ATL3: variants seen among roughly 807,000 people sequenced by gnomAD.
The protein encoded by ATL3 is atlastin-3.
In ATL3, 49 loss-of-function variants were observed where a neutral mutation model predicts 69.5. That is an observed-to-expected ratio of 0.71 (90% confidence interval 0.56 to 0.89). ATL3 has a LOEUF of 0.89. ATL3 is among the 40% of genes least tolerant of loss of function. The pLI is 0.00. For synonymous variants in ATL3, 214 were observed against 224.1 expected (o/e 0.95, Z 0.40); for missense variants, 606 against 645.7 (o/e 0.94, Z 0.67).
At chr11:63,630,800 CAAAA>C (rs58752695) in intron 12 of ATL3, among the ~76,000 whole-genome samples, 4 of 109,916 alleles carry the variant, frequency 3.6e-5, no homozygotes, top group Admixed American at 9.3e-5. Flanking sequence ...GACTTTGTCT[CAAAA>C]AAAAAAAAAA....
Position 63,625,131 on chromosome 11 carries a change from A to G in ATL3, c.*4188T>C, listed in dbSNP as rs1939062777. On this transcript the variant is annotated 3_prime_UTR_variant, in exon 13 of 13. Coordinates refer to ENST00000398868, the MANE Select transcript of ATL3 (RefSeq NM_015459.5). ...AACAGGACTTACAGCAAGAAAAACC[A>G]TTTGACTGCAAATATTATTTTACAA... 2.6e-5 allele frequency: 4 copies of G among 152,212 alleles called. No homozygotes were observed. Among genetic ancestry groups the G allele is most frequent in the Admixed American group, 2.6e-4 (4 of 15,278 alleles). The allele number at this position is 152,212 out of a possible 1,614,324, so 9.4% of individuals were successfully genotyped here. A position where few individuals can be genotyped will look rare whatever the true frequency, so the allele number is the denominator to read the frequency against.
intron 10 of ATL3, 33 bp downstream of exon 10, chr11:63,635,501 G>C (rs1378791968): frequency 1.3e-6 from 2 of 1,575,378 alleles, no homozygotes; most frequent in Non-Finnish European, 1.7e-6. Context: ...AGTAATTTAA[G>C]GGTAGCGTTT....
rs1939066424 is a variant in ATL3 at position 63,625,221 on chromosome 11, C to T, written c.*4098G>A. 1 of 152,096 alleles carries T rather than the reference C, an allele frequency of 6.6e-6. No individual in the cohort carries two copies. The highest frequency in any genetic ancestry group is 2.1e-4 in the South Asian group (1 of 4,824). 9.4% of individuals were successfully genotyped at this position (152,096 alleles called of 1,614,324 possible). ...ATAGTTTGTACTTTCATAACTGAAG[C>T]TTGTCTTCATTATGCCCTTATCCCT... On this transcript the variant is annotated 3_prime_UTR_variant, in exon 13 of 13. Coordinates refer to ENST00000398868, the MANE Select transcript of ATL3 (RefSeq NM_015459.5).
upstream of ATL3, chr11:63,671,440 G>A (rs1940778031): frequency 6.7e-7 from 1 of 1,495,578 alleles, no homozygotes; most frequent in Admixed American, 2.7e-5. Flanking sequence ...CGGAGCCTGG[G>A]CTCTAGAAAA....
rs1385434558 is a variant in ATL3 at position 63,660,163 on chromosome 11, A to G, written c.47-911T>C. The stretch of plus-strand genomic sequence containing the variant: ...TTAAAATTAAAAACTTTGTTCACTT[A>G]AAGACTTCAATAAGTAAAAATGCAA... On this transcript the variant is annotated intron_variant, in intron 1 of 12. Transcript: ENST00000398868. Among the ~76,000 whole-genome samples, 7 of 152,264 alleles carry G rather than the reference A, an allele frequency of 4.6e-5. No individual in the cohort carries two copies. The East Asian group carries it at 1.3e-3, about 29-fold the overall frequency.
chr11:63,641,668 G>T (rs1052854853), intron 8 of ATL3, among the ~76,000 whole-genome samples: 1 of 152,094 alleles, frequency 6.6e-6, no homozygotes, highest in Non-Finnish European at 1.5e-5. Context: ...TGGACTTCTG[G>T]CTCCCTGACT....
chr11:63,643,191 C>T (rs932791253), intron 8 of ATL3, among the ~76,000 whole-genome samples, 166 bp downstream of exon 8: 2 of 152,212 alleles, frequency 1.3e-5, no homozygotes. Context: ...TAAACTAATT[C>T]TGATGGTCTC....
chr11:63,639,053 T>C (rs897883534), intron 8 of ATL3, among the ~76,000 whole-genome samples: 3 of 152,186 alleles, frequency 2.0e-5, no homozygotes, highest in African/African-American at 7.2e-5. Context: ...ATCTCAACCA[T>C]GGAACTGCAC....
upstream of ATL3, chr11:63,671,675 TGTA>T: frequency 7.4e-7 from 1 of 1,352,296 alleles, no homozygotes. Context: ...CTTTGGGAAT[TGTA>T]GTCCCGCGCT....
At chr11:63,662,414 T>C (rs1056842452) in intron 1 of ATL3, among the ~76,000 whole-genome samples, 1 of 152,216 alleles carries the variant, frequency 6.6e-6, no homozygotes, top group Non-Finnish European at 1.5e-5. Flanking sequence ...TGCATGTTAA[T>C]GTATACTTTA....
intron 10 of ATL3, among the ~76,000 whole-genome samples, chr11:63,633,569 A>G (rs1457935426): frequency 1.3e-5 from 2 of 151,892 alleles, no homozygotes; most frequent in Non-Finnish European, 2.9e-5. Flanking sequence ...TGTTTTGCAG[A>G]GCTAGAGTCT....
At chr11:63,640,582 C>G (rs1939666853) in intron 8 of ATL3, among the ~76,000 whole-genome samples, 1 of 144,140 alleles carries the variant, frequency 6.9e-6, no homozygotes, top group South Asian at 2.2e-4. Context: ...GATAATAATG[C>G]TACCATAGTA....
At chr11:63,641,112 T>C (rs1221490279) in intron 8 of ATL3, among the ~76,000 whole-genome samples, 1 of 152,222 alleles carries the variant, frequency 6.6e-6, no homozygotes, top group Non-Finnish European at 1.5e-5. Flanking sequence ...CCATTTGTAT[T>C]TCTTCTTTTT....
intron 3 of ATL3, among the ~76,000 whole-genome samples, chr11:63,655,731 C>T (rs1940221159): frequency 6.6e-6 from 1 of 152,048 alleles, no homozygotes; most frequent in African/African-American, 2.4e-5. Context: ...CAGACGTGCG[C>T]CACCGCGCCG....
At chr11:63,656,223 C>T (rs75748907) in intron 3 of ATL3, among the ~76,000 whole-genome samples, 2 of 119,596 alleles carry the variant, frequency 1.7e-5, no homozygotes, top group Non-Finnish European at 1.8e-5. Flanking sequence ...GACTCCGTCT[C>T]AAAAAAAAAA....
chr11:63,644,264 A>AT lies in ATL3; in HGVS notation c.619-4dup, dbSNP rs1418860374. On this transcript the variant is annotated splice_polypyrimidine_tract_variant and splice_region_variant and intron_variant, in intron 6 of 12. Transcript: ENST00000398868. ...TCTCTAACCAAAAACATCAGTGTCT[A>AT]TTTAAGAAAAGAGCGGAACATATTT... 6.4e-7 allele frequency: 1 copy of AT among 1,574,346 alleles called. No individual in the cohort carries two copies. Among genetic ancestry groups the AT allele is most frequent in the African/African-American group, 1.4e-5 (1 of 73,892 alleles).
intron 1 of ATL3, among the ~76,000 whole-genome samples, chr11:63,663,359 G>C (rs540819125): frequency 6.6e-6 from 1 of 152,038 alleles, no homozygotes; most frequent in Non-Finnish European, 1.5e-5. Context: ...GGGCTCTAGT[G>C]ATCCTCTCAC....
chr11:63,671,748 G>A (rs895529118), upstream of ATL3: 13 of 1,212,810 alleles, frequency 1.1e-5, no homozygotes, highest in South Asian at 1.4e-5. Context: ...GGCTTGGCGT[G>A]GTTCTCCGAC....
intron 6 of ATL3, among the ~76,000 whole-genome samples, chr11:63,644,995 C>A (rs1408360480): frequency 6.6e-6 from 1 of 152,046 alleles, no homozygotes; most frequent in African/African-American, 2.4e-5. Context: ...GCAGGAGAAT[C>A]ACTTGAACCC....
Sources: allele counts gnomAD v4.1 joint callset (sites outside exome capture counted in the v4.1 genomes callset), GRCh38; gene constraint gnomAD v4.1.1; transcripts MANE v1.5; gene names NCBI Gene and HGNC (gene_info 2026-07-23, HGNC 2026-07-21).